Variants in RYR2 observed in about 807,000 individuals in gnomAD.
RYR2 encodes ryanodine receptor 2, also known as cardiac muscle ryanodine receptor-calcium release channel.
A neutral mutation model predicts 601.1 loss-of-function variants in RYR2; 227 were observed. The observed-to-expected ratio is 0.38, with a 90% CI of 0.34 to 0.42. The LOEUF (loss-of-function observed/expected upper bound fraction) is 0.42. RYR2 is among the 10% of genes least tolerant of loss of function. The probability of loss-of-function intolerance (pLI) is 1.00; values close to 1 mark genes in which losing one functional copy is unlikely to be tolerated. For synonymous variants in RYR2, 2,223 were observed against 2,175.1 expected, an observed-to-expected ratio of 1.02 and a Z score of -0.61; for missense variants, 4,646 against 6,156.5, an observed-to-expected ratio of 0.75 and a Z score of 8.21.
At chr1:237,823,635 C>G (rs982078837) in intron 101 of RYR2, among the ~76,000 whole-genome samples, 7 of 151,958 alleles carry the variant, frequency 4.6e-5, no homozygotes, top group Non-Finnish European at 1.0e-4. Context: ...GAAGCAAGAG[C>G]AAACAAATTC....
intron 5 of RYR2, among the ~76,000 whole-genome samples, chr1:237,366,235 C>G (rs927768311): frequency 1.3e-5 from 2 of 152,110 alleles, no homozygotes; most frequent in Admixed American, 1.3e-4. Flanking sequence ...CTGATCTGTT[C>G]CCTGAGGAGA....
chr1:237,761,276 G>A (rs1437970848), intron 84 of RYR2, among the ~76,000 whole-genome samples: 1 of 152,152 alleles, frequency 6.6e-6, no homozygotes, highest in African/African-American at 2.4e-5. Context: ...GGTTTTCAAT[G>A]AGGAATAATG....
chr1:237,565,647 A>G lies in RYR2; in HGVS notation c.3215-920A>G, dbSNP rs3766863. On this transcript the variant is annotated intron_variant, in intron 27 of 104. Coordinates refer to ENST00000366574, the MANE Select transcript of RYR2 (RefSeq NM_001035.3). Reference sequence around the variant, plus strand: ...CATGAAGCAGCTCCCAAGTTCCACCATTTTTAGTTGTGCGATGTTGGTCAA... The same window carrying G: ...CATGAAGCAGCTCCCAAGTTCCACCGTTTTTAGTTGTGCGATGTTGGTCAA... Among the ~76,000 whole-genome samples the G allele has an allele frequency of 1.8e-4, 28 of 152,248 alleles. 2 individuals carry two copies. The East Asian group carries it at 5.4e-3, about 29-fold the overall frequency.
At chr1:237,782,281 T>C (rs1695189161) in intron 89 of RYR2, among the ~76,000 whole-genome samples, 1 of 151,488 alleles carries the variant, frequency 6.6e-6, no homozygotes, top group Non-Finnish European at 1.5e-5. Flanking sequence ...TCCTTACCTC[T>C]GGGAGGTATG....
intron 47 of RYR2, 74 bp downstream of exon 47, chr1:237,641,076 T>A: frequency 1.0e-6 from 1 of 985,680 alleles, no homozygotes; most frequent in Non-Finnish European, 1.5e-6. Flanking sequence ...TCAAAGAGCA[T>A]AACAGCATCC....
chr1:237,769,972 A>G, intron 84 of RYR2, among the ~76,000 whole-genome samples: 1 of 152,162 alleles, frequency 6.6e-6, no homozygotes, highest in East Asian at 1.9e-4. Context: ...AGATACCTTT[A>G]AATTGAAATA....
intron 32 of RYR2, 81 bp from the exon 33 acceptor site, chr1:237,593,395 T>G: frequency 1.4e-6 from 2 of 1,391,338 alleles, no homozygotes; most frequent in South Asian, 3.0e-5. Flanking sequence ...TTCACAGACT[T>G]AGACACAGTT....
At chr1:237,424,725 T>TA (rs772721446) in intron 12 of RYR2, among the ~76,000 whole-genome samples, 3 of 152,352 alleles carry the variant, frequency 2.0e-5, no homozygotes, top group Non-Finnish European at 4.4e-5. Flanking sequence ...GTAAAGCGTT[T>TA]ACCCTAAAAG....
intron 17 of RYR2, among the ~76,000 whole-genome samples, chr1:237,477,470 T>C (rs1476153433): frequency 6.6e-6 from 1 of 152,184 alleles, no homozygotes; most frequent in African/African-American, 2.4e-5. Flanking sequence ...CTAGTCTCCT[T>C]TGGGAACTGA....
At chr1:237,303,656 C>T (rs1389741891) in intron 2 of RYR2, among the ~76,000 whole-genome samples, 1 of 151,992 alleles carries the variant, frequency 6.6e-6, no homozygotes, top group African/African-American at 2.4e-5. Flanking sequence ...ACCTGAAAAC[C>T]TTGTGAATTC....
At chr1:237,822,893 C>G (rs971582334) in intron 101 of RYR2, among the ~76,000 whole-genome samples, 1 of 152,158 alleles carries the variant, frequency 6.6e-6, no homozygotes, top group African/African-American at 2.4e-5. Flanking sequence ...CAATTCTAGT[C>G]TCTGATAGAA....
chr1:237,831,714 A>G (rs1663811460), intron 104 of RYR2, 149 bp downstream of exon 104: 1 of 579,830 alleles, frequency 1.7e-6, no homozygotes, highest in Non-Finnish European at 3.0e-6. Flanking sequence ...GTTATGTTGA[A>G]TGAGTATGGA....
Position 237,506,702 on chromosome 1 carries a change from A to T in RYR2, c.2614-8A>T, listed in dbSNP as rs1322584608. On this transcript the variant is annotated splice_region_variant and splice_polypyrimidine_tract_variant and intron_variant, in intron 22 of 104. Transcript: ENST00000366574. ...CTGATGTGTCTTTTTTCTTTTTGTA[A>T]ATTTTAGATCGTGTTGCCTCCTCAT... is the stretch of plus-strand genomic sequence containing the variant. 6.2e-7 allele frequency: 1 copy of T among 1,600,870 alleles called. No homozygotes were observed. The highest frequency in any genetic ancestry group is 8.5e-7 in the Non-Finnish European group (1 of 1,173,698).
intron 1 of RYR2, among the ~76,000 whole-genome samples, chr1:237,230,611 GTTTT>G (rs1558465010): frequency 4.6e-5 from 7 of 152,226 alleles, no homozygotes; most frequent in Non-Finnish European, 1.0e-4. Flanking sequence ...TACTGGGAAT[GTTTT>G]TATTTTTAAA....
chr1:237,817,706 G>C (rs911051629), intron 100 of RYR2, among the ~76,000 whole-genome samples: 1 of 152,224 alleles, frequency 6.6e-6, no homozygotes. Flanking sequence ...CAGTCCTGGG[G>C]CATTTGTTCA....
chr1:237,321,795 C>A (rs1186361220), intron 2 of RYR2, among the ~76,000 whole-genome samples: 2 of 152,124 alleles, frequency 1.3e-5, no homozygotes, highest in Non-Finnish European at 2.9e-5. Context: ...TAGAGGGGAT[C>A]TTCAGACTGG....
At chr1:237,217,540 TTC>T (rs1683322489) in intron 1 of RYR2, among the ~76,000 whole-genome samples, 1 of 152,182 alleles carries the variant, frequency 6.6e-6, no homozygotes, top group African/African-American at 2.4e-5. Flanking sequence ...CTTCGTTTCC[TTC>T]TCTGTCAAAT....
chr1:237,722,129 C>A (rs1558288391), intron 73 of RYR2, among the ~76,000 whole-genome samples: 1 of 152,104 alleles, frequency 6.6e-6, no homozygotes, highest in Non-Finnish European at 1.5e-5. Flanking sequence ...TATCCTATAT[C>A]CTTGCCCATA....
At chr1:237,564,266 T>G (rs1671743319) in intron 27 of RYR2, among the ~76,000 whole-genome samples, 1 of 152,006 alleles carries the variant, frequency 6.6e-6, no homozygotes, top group Non-Finnish European at 1.5e-5. Flanking sequence ...GAGAACGAGT[T>G]TCTTTCTTTC....
Sources: gnomAD v4.1 joint callset for allele counts (sites outside exome capture counted in the v4.1 genomes callset) on GRCh38, gnomAD v4.1.1 for gene constraint, MANE v1.5 for transcripts, NCBI Gene and HGNC (gene_info 2026-07-23, HGNC 2026-07-21) for gene names.